HUWE1: variants seen among roughly 807,000 people sequenced by gnomAD.
HUWE1 encodes the protein HECT, UBA and WWE domain containing E3 ubiquitin protein ligase 1.
Under a neutral mutation model 299.4 loss-of-function variants are expected in HUWE1, and 18 were observed. That is an observed-to-expected ratio of 0.06 (90% CI 0.04 to 0.09). The LOEUF is 0.09. HUWE1 is among the 10% of genes least tolerant of loss of function. HUWE1 has a pLI of 1.00. For missense variants in HUWE1, 1,832 were observed against 3,462.3 expected (o/e 0.53, Z 11.82); for synonymous variants, 1,317 against 1,286.1 (o/e 1.02, Z -0.51).
intron 7 of HUWE1, among the ~76,000 whole-genome samples, chrX:53,643,843 A>G (rs1362553095): frequency 1.8e-5 from 2 of 111,938 alleles, no homozygotes; most frequent in African/African-American, 6.5e-5. Flanking sequence ...TTAGAGACAG[A>G]GTCTCGGTCT....
In HUWE1 at chrX:53,561,762, T is replaced by C; in HGVS notation, c.7501A>G (p.Ser2501Gly). Residue 2501 changes from serine (S) to glycine (G), a missense_variant, in exon 55 of 84, where the codon AGT becomes GGT. Ser to Gly is a moderately conservative substitution (Grantham distance 56). Coordinates refer to ENST00000262854, the MANE Select transcript of HUWE1 (RefSeq NM_031407.7). ...LIIEFDNMFS[S>G]ATDIPPSPGN... is the part of the protein sequence containing the mutation. ...CTGAGCCCCTGTATCTTACTAGCAC[T>C]GGAGAACATGTTGTCAAACTCAATG... 3.3e-6 allele frequency: 4 copies of C among 1,210,541 alleles called. No homozygotes were observed. The highest frequency in any genetic ancestry group is 4.5e-6 in the Non-Finnish European group (4 of 894,844).
intron 32 of HUWE1, 134 bp downstream of exon 32, chrX:53,593,230 G>A (rs782330915): frequency 4.9e-5 from 25 of 505,962 alleles, no homozygotes; most frequent in Non-Finnish European, 7.7e-5. Flanking sequence ...ATTCCCTTAC[G>A]TAAGGCAGCC....
intron 44 of HUWE1, 22 bp downstream of exon 44, chrX:53,576,878 C>G (rs1556959224): frequency 8.3e-7 from 1 of 1,209,080 alleles, no homozygotes. Flanking sequence ...GCCCAGCCTC[C>G]TGAGGTAGGC....
intron 19 of HUWE1, among the ~76,000 whole-genome samples, chrX:53,620,362 C>T (rs1377653843): frequency 1.8e-5 from 2 of 108,887 alleles, no homozygotes; most frequent in Admixed American, 9.9e-5. Context: ...CTTAAGTGAT[C>T]CTCCCACCTC....
rs181741220 is a variant in HUWE1, at chrX:53,672,511, G to A, written c.-25+7538C>T. On this transcript the variant is annotated intron_variant, in intron 3 of 83. Transcript: ENST00000262854. Reference sequence around the variant, plus strand: ...TGACCTCAAATGATCCACCCACCTTGGCCTCCCAAAGTGCTCAGATTACAG... The same window carrying A: ...TGACCTCAAATGATCCACCCACCTTAGCCTCCCAAAGTGCTCAGATTACAG... Among the ~76,000 whole-genome samples the A allele has an allele frequency of 2.9e-3, 320 of 110,590 alleles. 3 individuals are homozygous for A. The highest frequency in any genetic ancestry group is 4.7e-3 in the Middle Eastern group (1 of 215).
rs782685250 is a variant in HUWE1 at position 53,576,907 on chromosome X, T to C, written c.5877A>G (p.Pro1959=). 18 of 1,209,234 alleles carry C rather than the reference T, an allele frequency of 1.5e-5. No individual in the cohort carries two copies. The East Asian group carries it at 4.7e-4, about 32-fold the overall frequency. ...MLNALAAYHA[P]EEADKSDPKP... ...GGTAGGCTAGCCACATACCTTCCTC[T>C]GGAGCATGGTATGCAGCCAGAGCAT... The change falls in exon 44 of 84, where the codon CCA becomes CCG. Residue 1959 remains proline, a synonymous_variant. Coordinates refer to ENST00000262854, the MANE Select transcript of HUWE1 (RefSeq NM_031407.7).
intron 47 of HUWE1, 83 bp from the exon 48 acceptor site, chrX:53,569,910 A>C: frequency 6.1e-6 from 5 of 819,762 alleles, no homozygotes; most frequent in Non-Finnish European, 9.1e-6. Flanking sequence ...ACACACACAC[A>C]TAGTATTTCC....
At chrX:53,550,011 C>T in intron 66 of HUWE1, among the ~76,000 whole-genome samples, 1 of 110,713 alleles carries the variant, frequency 9.0e-6, no homozygotes, top group Non-Finnish European at 1.9e-5. Context: ...CTCAGCCTCC[C>T]AAAGTGCTGG....
rs962277232 is a variant in HUWE1, at chrX:53,566,141, A to G, written c.6708-902T>C. ...TATGTGTGTGTGTGTGTGTATATAT[A>G]TATATATATATATATATATATATGC... is the stretch of plus-strand genomic sequence containing the variant. On this transcript the variant is annotated intron_variant, in intron 49 of 83. Transcript: ENST00000262854. Among the ~76,000 whole-genome samples, 545 of 90,599 alleles carry G rather than the reference A, an allele frequency of 6.0e-3. 7 individuals carry two copies. The highest frequency in any genetic ancestry group is 0.02 in the African/African-American group (494 of 24,476). 78.7% of individuals were successfully genotyped at this position (90,599 alleles called of 115,157 possible).
At chrX:53,670,973 T>C (rs1326276515) in intron 3 of HUWE1, among the ~76,000 whole-genome samples, 3 of 112,469 alleles carry the variant, frequency 2.7e-5, no homozygotes, top group South Asian at 3.6e-4. Context: ...ATGGATCATA[T>C]ACTAAACATA....
chrX:53,644,489 A>G (rs1408607143), intron 7 of HUWE1, among the ~76,000 whole-genome samples: 1 of 111,938 alleles, frequency 8.9e-6, no homozygotes, highest in African/African-American at 3.2e-5. Context: ...GCATGTATAC[A>G]TGTGTTTCCA....
intron 17 of HUWE1, 128 bp downstream of exon 17, chrX:53,627,281 AT>A: frequency 2.4e-6 from 1 of 418,977 alleles, no homozygotes; most frequent in Non-Finnish European, 4.1e-6. Flanking sequence ...TAGAAAAAAA[AT>A]TTTTGTTGCT....
chrX:53,653,430 T>C (rs1557041321), intron 4 of HUWE1, among the ~76,000 whole-genome samples: 1 of 111,510 alleles, frequency 9.0e-6, no homozygotes, highest in East Asian at 2.8e-4. Flanking sequence ...TCAAAGCTTG[T>C]GCTCTCTGAA....
Position 53,534,123 on chromosome X carries a change from A to C in HUWE1, c.12906T>G (p.Gly4302=), listed in dbSNP as rs1556909317. Reference sequence around the variant, plus strand: ...AGCCTTGCAGGGGTACCTTGGAAGTACCTGTGACAAACTGGAGGAACTTGG... The same window carrying C: ...AGCCTTGCAGGGGTACCTTGGAAGTCCCTGTGACAAACTGGAGGAACTTGG... The part of the protein sequence containing the change: ...DRAKFLQFVT[G]TSKVPLQGFA... Residue 4302 remains glycine, a synonymous_variant, in exon 83 of 84, where the codon GGT becomes GGG. Coordinates refer to ENST00000262854, the MANE Select transcript of HUWE1 (RefSeq NM_031407.7). The C allele has an allele frequency of 8.3e-7, 1 of 1,209,545 alleles. No homozygotes were observed. Among genetic ancestry groups the C allele is most frequent in the Non-Finnish European group, 1.1e-6 (1 of 893,535 alleles).
In HUWE1 at chrX:53,536,301, G is replaced by A. The variant is rs2234477; in HGVS notation, c.12426-49C>T. The A allele has an allele frequency of 6.4e-3, 7,352 of 1,151,963 alleles. 428 individuals carry two copies. The Admixed American group carries it at 0.14, about 23-fold the overall frequency. The allele number at this position is 1,151,963 out of a possible 1,213,427, so 94.9% of individuals were successfully genotyped here. On this transcript the variant is annotated intron_variant, in intron 79 of 83. Coordinates refer to ENST00000262854, the MANE Select transcript of HUWE1 (RefSeq NM_031407.7). The stretch of plus-strand genomic sequence containing the variant: ...GTCATGGTTTGCGAGTGGGGGGGAA[G>A]AAGGAGCACAAGGATGGGACACAAA...
chrX:53,570,635 GAGGAAGGAAATTA>G (rs1279334330), intron 47 of HUWE1, among the ~76,000 whole-genome samples: 2 of 112,509 alleles, frequency 1.8e-5, no homozygotes, highest in Non-Finnish European at 3.8e-5. Context: ...AGGCTCAATA[GAGGAAGGAAATTA>G]AGTCAGACTC....
chrX:53,581,828 G>C (rs1343170339), intron 42 of HUWE1, among the ~76,000 whole-genome samples: 1 of 111,467 alleles, frequency 9.0e-6, no homozygotes, highest in Admixed American at 9.5e-5. Flanking sequence ...CCCAACTGCT[G>C]GACATTAGAC....
At position 53,579,196 on chromosome X, in the gene HUWE1, TGG is replaced by T. The variant is rs782499920; in HGVS notation, c.5716+1633_5716+1634del. ...CCAGCCGCCCCGTCCGGGAGGGAGG[TGG>T]GGGGGGTCAGCCCCCGCCCGGCCAG... On this transcript the variant is annotated intron_variant, in intron 43 of 83. Coordinates refer to ENST00000262854, the MANE Select transcript of HUWE1 (RefSeq NM_031407.7). 5.0e-5 allele frequency among the ~76,000 whole-genome samples: 2 copies of T among 39,980 alleles called. 1 individual carries two copies. Among genetic ancestry groups the T allele is most frequent in the African/African-American group, 2.2e-4 (2 of 9,247 alleles). 34.7% of individuals were successfully genotyped at this position (39,980 alleles called of 115,157 possible).
intron 12 of HUWE1, among the ~76,000 whole-genome samples, chrX:53,630,416 A>C (rs140869053): frequency 9.0e-6 from 1 of 111,705 alleles, no homozygotes; most frequent in East Asian, 2.8e-4. Flanking sequence ...TCAATATTAA[A>C]CGAATAAGCT....
Sources: gnomAD v4.1 joint callset for allele counts (sites outside exome capture counted in the v4.1 genomes callset) on GRCh38, gnomAD v4.1.1 for gene constraint, MANE v1.5 for transcripts, NCBI Gene and HGNC (gene_info 2026-07-23, HGNC 2026-07-21) for gene names.